Variants in MAGEC3 observed in about 807,000 individuals in gnomAD.
MAGEC3 encodes the protein MAGE family member C3.
In MAGEC3, 34 loss-of-function variants were observed where a neutral mutation model predicts 35.3. That is an observed-to-expected ratio of 0.96 (90% CI 0.73 to 1.28). The LOEUF (loss-of-function observed/expected upper bound fraction) is 1.28. Among genes scored for constraint, MAGEC3 ranks in the 50% most tolerant of loss-of-function variants. MAGEC3 has a pLI of 0.00. For missense variants in MAGEC3, 561 were observed against 483.6 expected (o/e 1.16, Z -1.50); for synonymous variants, 202 against 185.6 (o/e 1.09, Z -0.72).
At chrX:141,857,772 A>G (rs1247372216) in intron 1 of MAGEC3, among the ~76,000 whole-genome samples, 2 of 110,710 alleles carry the variant, frequency 1.8e-5, no homozygotes, top group Non-Finnish European at 3.8e-5. Flanking sequence ...CTCCATGAAT[A>G]TTTTCCTCAC....
intron 4 of MAGEC3, among the ~76,000 whole-genome samples, chrX:141,887,441 T>C (rs1469928246): frequency 8.9e-6 from 1 of 112,115 alleles, no homozygotes; most frequent in Non-Finnish European, 1.9e-5. Context: ...TCAGGGACCT[T>C]CTACCTCAGT....
chrX:141,875,182 A>G (rs896030406), intron 2 of MAGEC3, among the ~76,000 whole-genome samples: 20 of 111,579 alleles, frequency 1.8e-4, no homozygotes, highest in Middle Eastern at 4.6e-3. Context: ...ATGGAGATCA[A>G]TTGAAGTGGA....
At chrX:141,890,080 A>C (rs1010383255) in intron 4 of MAGEC3, among the ~76,000 whole-genome samples, 4 of 111,699 alleles carry the variant, frequency 3.6e-5, no homozygotes, top group Non-Finnish European at 7.5e-5. Context: ...TGGATTGGGG[A>C]TCGGTGCATT....
At chrX:141,896,538 G>GT in intron 6 of MAGEC3, 2 of 1,192,197 alleles carry the variant, frequency 1.7e-6, no homozygotes, top group Non-Finnish European at 2.3e-6. Context: ...ACCATCATAG[G>GT]TGAGTTTCTC....
intron 2 of MAGEC3, among the ~76,000 whole-genome samples, chrX:141,866,444 A>G (rs151086301): frequency 0.021 from 2,357 of 112,346 alleles, 15 homozygotes; most frequent in Middle Eastern, 0.041. Context: ...AAAAGTAGAA[A>G]AACAAACAAT....
At chrX:141,857,656 C>A (rs2017789376) in intron 1 of MAGEC3, among the ~76,000 whole-genome samples, 1 of 110,939 alleles carries the variant, frequency 9.0e-6, no homozygotes, top group Non-Finnish European at 1.9e-5. Context: ...CTGGAATGTT[C>A]TTTCCTATAC....
rs1388551523 is a variant in MAGEC3, at chrX:141,838,415, G to A, written c.100G>A (p.Val34Met). ...ATGTGCCACATATGCCTTATCCCCA[G>A]TGGTGCTCCCACCTCAGCCCCAGGT... ...NTCATYALSP[V>M]VLPPQPQPRK... The change falls in exon 1 of 8, where the codon GTG becomes ATG. Residue 34 changes from valine (V) to methionine (M), a missense_variant. Physicochemically the swap from Val to Met is conservative, Grantham distance 21. Coordinates refer to ENST00000298296, the MANE Select transcript of MAGEC3 (RefSeq NM_138702.1). 8.3e-7 allele frequency: 1 copy of A among 1,210,345 alleles called. No homozygotes were observed. The highest frequency in any genetic ancestry group is 3.0e-5 in the East Asian group (1 of 33,808).
chrX:141,869,106 G>A (rs1314795971), intron 2 of MAGEC3, among the ~76,000 whole-genome samples: 1 of 109,041 alleles, frequency 9.2e-6, no homozygotes, highest in African/African-American at 3.3e-5. Context: ...GGATGGTCTC[G>A]ATCTCCTGAT....
intron 2 of MAGEC3, among the ~76,000 whole-genome samples, chrX:141,874,748 T>G (rs1385667539): frequency 9.1e-6 from 1 of 109,309 alleles, no homozygotes; most frequent in Non-Finnish European, 1.9e-5. Flanking sequence ...CTGATTTTAA[T>G]TTGAAAAAAA....
Position 141,897,798 on chromosome X carries a change from C to T in MAGEC3, c.1898C>T (p.Pro633Leu), listed in dbSNP as rs774335286. 80 of 1,199,510 alleles carry T rather than the reference C, an allele frequency of 6.7e-5. No homozygotes were observed. The highest frequency in any genetic ancestry group is 8.8e-5 in the Non-Finnish European group (78 of 890,833). The change falls in exon 8 of 8, where the codon CCC becomes CTC. Residue 633 changes from proline (P) to leucine (L), a missense_variant. By Grantham distance (98) the Pro-to-Leu change is moderately conservative. Transcript: ENST00000298296. ...DDATAMASAS[P>L]SVMSTNFCPE ...GCTACTGCCATGGCCAGTGCAAGCC[C>T]CAGTGTCATGTCCACCAACTTCTGT...
At chrX:141,883,307 G>C (rs1475971347) in intron 4 of MAGEC3, among the ~76,000 whole-genome samples, 1 of 112,278 alleles carries the variant, frequency 8.9e-6, no homozygotes, top group Admixed American at 9.4e-5. Flanking sequence ...TGTAATGTGG[G>C]CAACTGTAAG....
Position 141,897,824 on chromosome X carries a change from C to A in MAGEC3, c.1924C>A (p.Pro642Thr). Residue 642 changes from proline (P) to threonine (T), a missense_variant, in exon 8 of 8, where the codon CCT (proline) becomes ACT (threonine). By Grantham distance (38) the Pro-to-Thr change is conservative. Coordinates refer to ENST00000298296, the MANE Select transcript of MAGEC3 (RefSeq NM_138702.1). ...CAGTGTCATGTCCACCAACTTCTGTCCTGAGTGATGTCTGAAGCAGATTCC... is the reference window on the plus strand; with the variant it reads ...CAGTGTCATGTCCACCAACTTCTGTACTGAGTGATGTCTGAAGCAGATTCC... ...SPSVMSTNFCPE is the reference protein window; with the variant it reads ...SPSVMSTNFCTE 1 of 1,190,375 alleles carries A rather than the reference C, an allele frequency of 8.4e-7. No individual in the cohort carries two copies.
intron 6 of MAGEC3, among the ~76,000 whole-genome samples, chrX:141,895,901 C>T (rs1331611751): frequency 9.0e-6 from 1 of 111,164 alleles, no homozygotes; most frequent in Admixed American, 9.4e-5. Context: ...CGTGAGGCCA[C>T]CCCGACTGCC....
At chrX:141,844,735 T>C (rs1043115935) in intron 1 of MAGEC3, among the ~76,000 whole-genome samples, 6 of 111,235 alleles carry the variant, frequency 5.4e-5, no homozygotes, top group Non-Finnish European at 9.5e-5. Flanking sequence ...ATTATTTTCC[T>C]TTCCAATTTA....
chrX:141,868,797 G>A (rs955846108), intron 2 of MAGEC3, among the ~76,000 whole-genome samples: 8 of 109,369 alleles, frequency 7.3e-5, no homozygotes, highest in South Asian at 3.9e-4. Flanking sequence ...ATACGAGGTC[G>A]ATTTTTCAAG....
At chrX:141,851,032 T>G (rs1345452632) in intron 1 of MAGEC3, among the ~76,000 whole-genome samples, 1 of 111,352 alleles carries the variant, frequency 9.0e-6, no homozygotes, top group Non-Finnish European at 1.9e-5. Context: ...TTAATATTAA[T>G]TCACCACAAA....
chrX:141,863,187 A>T (rs372445428), intron 1 of MAGEC3, among the ~76,000 whole-genome samples: 1 of 111,928 alleles, frequency 8.9e-6, no homozygotes, highest in Non-Finnish European at 1.9e-5. Flanking sequence ...TATTTTAAAA[A>T]ATTATTTATA....
At position 141,881,421 on chromosome X, in the gene MAGEC3, C is replaced by T; in HGVS notation, c.534C>T (p.Pro178=). 1 of 1,203,250 alleles carries T rather than the reference C, an allele frequency of 8.3e-7. No individual in the cohort carries two copies. Among genetic ancestry groups the T allele is most frequent in the Admixed American group, 2.2e-5 (1 of 44,886 alleles). Residue 178 remains proline, a synonymous_variant, in exon 4 of 8, where the codon CCC becomes CCT. Coordinates refer to ENST00000298296, the MANE Select transcript of MAGEC3 (RefSeq NM_138702.1). ...GGCACAGCTTGCCAGAGAGCGAGCCCTTGTTCACTTATACACTGGATGAAA... is the reference window on the plus strand; with the variant it reads ...GGCACAGCTTGCCAGAGAGCGAGCCTTTGTTCACTTATACACTGGATGAAA... ...EKAGSLPESE[P]LFTYTLDEKV... is the part of the protein sequence containing the mutation.
At chrX:141,876,042 T>C (rs1409893165) in intron 2 of MAGEC3, among the ~76,000 whole-genome samples, 1 of 112,354 alleles carries the variant, frequency 8.9e-6, no homozygotes, top group African/African-American at 3.2e-5. Flanking sequence ...TTTTGGAATC[T>C]CAGGGTTCCT....
Sources: gnomAD v4.1 joint callset for allele counts (sites outside exome capture counted in the v4.1 genomes callset) on GRCh38, gnomAD v4.1.1 for gene constraint, MANE v1.5 for transcripts, NCBI Gene and HGNC (gene_info 2026-07-23, HGNC 2026-07-21) for gene names.